The following KDM7A variants were observed in gnomAD, a reference collection of about 807,000 sequenced individuals.
The protein encoded by KDM7A is lysine-specific demethylase 7A.
KDM7A carries 28 observed loss-of-function variants against 114.8 expected under a neutral mutation model. That is an observed-to-expected ratio of 0.24 (90% CI 0.18 to 0.33). The LOEUF is 0.33. KDM7A is among the 10% of genes least tolerant of loss of function. The pLI is 1.00. For missense variants in KDM7A, 942 were observed against 1,142.5 expected (o/e 0.82, Z 2.53); for synonymous variants, 423 against 397.8 (o/e 1.06, Z -0.75).
intron 1 of KDM7A, among the ~76,000 whole-genome samples, chr7:140,168,567 C>CAAAA (rs34680636): frequency 2.5e-4 from 27 of 110,162 alleles, no homozygotes; most frequent in African/African-American, 8.4e-4. Context: ...GACTCTATCT[C>CAAAA]AAAAAAAAAA....
chr7:140,138,027 A>C (rs1818897854), intron 2 of KDM7A, among the ~76,000 whole-genome samples: 3 of 152,200 alleles, frequency 2.0e-5, no homozygotes, highest in Admixed American at 6.5e-5. Context: ...TAAAATGTCA[A>C]AACAAATAGT....
chr7:140,111,749 A>G (rs1464284227), intron 10 of KDM7A, among the ~76,000 whole-genome samples: 1 of 152,228 alleles, frequency 6.6e-6, no homozygotes, highest in Non-Finnish European at 1.5e-5. Context: ...ACCTGAGGTC[A>G]GAAGTTTGAG....
chr7:140,157,481 T>C (rs1279560600), intron 1 of KDM7A, among the ~76,000 whole-genome samples: 1 of 152,062 alleles, frequency 6.6e-6, no homozygotes, highest in Non-Finnish European at 1.5e-5. Context: ...AGTGAGACTC[T>C]GACTCTACAA....
intron 11 of KDM7A, among the ~76,000 whole-genome samples, chr7:140,110,552 C>A (rs1818413989): frequency 6.6e-6 from 1 of 152,106 alleles, no homozygotes; most frequent in Non-Finnish European, 1.5e-5. Flanking sequence ...AACAGAACAA[C>A]CTTCTTGAAG....
chr7:140,149,399 A>C (rs1794374924), intron 1 of KDM7A, among the ~76,000 whole-genome samples: 1 of 152,240 alleles, frequency 6.6e-6, no homozygotes, highest in East Asian at 1.9e-4. Flanking sequence ...CAAATGGTGA[A>C]TGCATCCTTA....
chr7:140,134,200 A>AT (rs1255263524), intron 2 of KDM7A, among the ~76,000 whole-genome samples: 11 of 152,226 alleles, frequency 7.2e-5, no homozygotes, highest in Non-Finnish European at 1.3e-4. Flanking sequence ...GACAAAATAC[A>AT]TAACTTCATC....
intron 1 of KDM7A, among the ~76,000 whole-genome samples, chr7:140,150,059 GTCT>G (rs1479102033): frequency 5.9e-5 from 9 of 152,112 alleles, no homozygotes; most frequent in Non-Finnish European, 8.8e-5. Flanking sequence ...CCTGCTTTCT[GTCT>G]TCTTCTCTAT....
At chr7:140,174,249 TCTAA>T (rs1794677091) in intron 1 of KDM7A, among the ~76,000 whole-genome samples, 1 of 152,170 alleles carries the variant, frequency 6.6e-6, no homozygotes, top group African/African-American at 2.4e-5. Flanking sequence ...AGCTAAATTT[TCTAA>T]CTTTTGACAT....
chr7:140,088,210 T>A lies in KDM7A; in HGVS notation c.*2884A>T. ...ATGAACTGATACTTATGAAGTTCAA[T>A]GTATTTCTAGGATACTGAACTACTA... On this transcript the variant is annotated 3_prime_UTR_variant, in exon 20 of 20. Transcript: ENST00000397560. 3.4e-6 allele frequency: 1 copy of A among 291,252 alleles called. No homozygotes were observed. The highest frequency in any genetic ancestry group is 5.1e-5 in the Admixed American group (1 of 19,658). The allele number at this position is 291,252 out of a possible 1,614,324, so 18.0% of individuals were successfully genotyped here. A position where few individuals can be genotyped will look rare whatever the true frequency, so the allele number is the denominator to read the frequency against.
chr7:140,096,946 G>C lies in KDM7A; in HGVS notation c.2118C>G (p.Phe706Leu). 6.2e-7 allele frequency: 1 copy of C among 1,613,814 alleles called. No homozygotes were observed. Among genetic ancestry groups the C allele is most frequent in the Non-Finnish European group, 8.5e-7 (1 of 1,179,846 alleles). ...TAGATGGCTTCTGGCTCTTTTGAAGGAAGTTCCTCATCACATTAGATTCCT... is the reference window on the plus strand; with the variant it reads ...TAGATGGCTTCTGGCTCTTTTGAAGCAAGTTCCTCATCACATTAGATTCCT... ...FKEESNVMRN[F>L]LQKSQKPSRS... Residue 706 changes from phenylalanine to leucine, a missense_variant, in exon 16 of 20, where the codon TTC becomes TTG. Phe to Leu is a conservative substitution (Grantham distance 22, BLOSUM62 0). Around this residue, in one of 4 missense-constraint regions of KDM7A, gnomAD observed 512 missense variants for 576.6 expected, o/e 0.89. Transcript: ENST00000397560.
chr7:140,097,788 A>G lies in KDM7A; in HGVS notation c.1919-146T>C, dbSNP rs530726924. ...CTCCTTTTTCACTTTTATTTTCTTC[A>G]TTTCTTTCTCCCCTTAAGGTCTTTC... On this transcript the variant is annotated intron_variant, in intron 14 of 19. Coordinates refer to ENST00000397560, the MANE Select transcript of KDM7A (RefSeq NM_030647.2). 9.2e-6 allele frequency: 5 copies of G among 544,468 alleles called. No homozygotes were observed. In the East Asian group the frequency reaches 1.2e-4, roughly 13 times the overall value. 33.7% of individuals were successfully genotyped at this position (544,468 alleles called of 1,614,324 possible). A position where few individuals can be genotyped will look rare whatever the true frequency, so the allele number is the denominator to read the frequency against.
intron 6 of KDM7A, among the ~76,000 whole-genome samples, chr7:140,125,067 C>A (rs1445907190): frequency 6.6e-6 from 1 of 152,180 alleles, no homozygotes; most frequent in Admixed American, 6.5e-5. Context: ...TCCCACTGAC[C>A]TCCTCTCATT....
intron 6 of KDM7A, 135 bp from the exon 7 acceptor site, chr7:140,124,918 A>G (rs1818674959): frequency 1.6e-6 from 1 of 619,638 alleles, no homozygotes; most frequent in African/African-American, 1.9e-5. Context: ...CAAAAGACAT[A>G]TTTCACACAC....
intron 1 of KDM7A, among the ~76,000 whole-genome samples, chr7:140,145,781 CTG>C (rs1337269983): frequency 6.6e-6 from 1 of 152,114 alleles, no homozygotes; most frequent in Non-Finnish European, 1.5e-5. Flanking sequence ...TAAGAAGTGA[CTG>C]TGACACCAAA....
At chr7:140,115,797 AT>A (rs1345869302) in intron 9 of KDM7A, among the ~76,000 whole-genome samples, 76 of 143,832 alleles carry the variant, frequency 5.3e-4, no homozygotes, top group Middle Eastern at 7.0e-3. Context: ...CAATAAAAAA[AT>A]AAATTTAAAA....
chr7:140,174,194 T>C (rs1477635450), intron 1 of KDM7A, among the ~76,000 whole-genome samples: 1 of 151,370 alleles, frequency 6.6e-6, no homozygotes, highest in East Asian at 1.9e-4. Context: ...AGAAAAAGAA[T>C]TAAACTTAAT....
At chr7:140,138,451 G>A (rs1818904175) in intron 2 of KDM7A, among the ~76,000 whole-genome samples, 1 of 152,108 alleles carries the variant, frequency 6.6e-6, no homozygotes, top group Non-Finnish European at 1.5e-5. Context: ...TATCATATTA[G>A]GTGTGATGTT....
At chr7:140,143,107 G>A (rs1351203716) in intron 1 of KDM7A, among the ~76,000 whole-genome samples, 1 of 150,652 alleles carries the variant, frequency 6.6e-6, no homozygotes. Context: ...ATGAACTCGG[G>A]AGGCGGAGCT....
At chr7:140,094,492 G>A (rs1163711651) in intron 17 of KDM7A, among the ~76,000 whole-genome samples, 2 of 151,680 alleles carry the variant, frequency 1.3e-5, no homozygotes, top group Non-Finnish European at 1.5e-5. Context: ...GCAACAGAGT[G>A]AGACTCCATC....
Sources: allele counts gnomAD v4.1 joint callset (sites outside exome capture counted in the v4.1 genomes callset), GRCh38; gene constraint gnomAD v4.1.1; regional missense constraint gnomAD v4.1.1; transcripts MANE v1.5; gene names NCBI Gene and HGNC (gene_info 2026-07-23, HGNC 2026-07-21).